CNTN4: variants seen among roughly 807,000 people sequenced by gnomAD.
CNTN4 encodes the protein contactin-4.
In CNTN4, 77 loss-of-function variants were observed where a neutral mutation model predicts 122.5. That is an observed-to-expected ratio of 0.63 (90% CI 0.52 to 0.76). The LOEUF is 0.76. Ranked by LOEUF, CNTN4 falls within the 30% of genes least tolerant of loss-of-function variation. CNTN4 has a pLI of 0.00. For missense variants in CNTN4, 1,256 were observed against 1,259.1 expected, an observed-to-expected ratio of 1.00 and a Z score of 0.04; for synonymous variants, 512 against 447.0, an observed-to-expected ratio of 1.15 and a Z score of -1.83.
chr3:2,967,921 C>T (rs1041579538), intron 13 of CNTN4, among the ~76,000 whole-genome samples: 2 of 151,044 alleles, frequency 1.3e-5, no homozygotes, highest in Admixed American at 6.6e-5. Flanking sequence ...AAAGTTGTGC[C>T]GCCTTTGGTA....
intron 3 of CNTN4, among the ~76,000 whole-genome samples, chr3:2,512,798 C>T (rs1256902908): frequency 2.0e-5 from 3 of 152,072 alleles, no homozygotes; most frequent in African/African-American, 7.2e-5. Flanking sequence ...CCTGATGGTC[C>T]CATAATTTCC....
chr3:2,438,191 A>T (rs940926262), intron 3 of CNTN4, among the ~76,000 whole-genome samples: 1 of 152,158 alleles, frequency 6.6e-6, no homozygotes, highest in South Asian at 2.1e-4. Flanking sequence ...AGCGTTCAGC[A>T]TTGTAGAATT....
chr3:2,453,641 G>C (rs957745685), intron 3 of CNTN4, among the ~76,000 whole-genome samples: 2 of 152,002 alleles, frequency 1.3e-5, no homozygotes, highest in African/African-American at 4.8e-5. Flanking sequence ...ACTATGTGCT[G>C]TTAAGAAAAT....
chr3:2,515,710 T>G (rs2077020094), intron 3 of CNTN4, among the ~76,000 whole-genome samples: 1 of 152,118 alleles, frequency 6.6e-6, no homozygotes, highest in African/African-American at 2.4e-5. Flanking sequence ...AATGAGTGCT[T>G]CTTGATATAC....
At chr3:2,885,712 T>C (rs2093966671) in intron 9 of CNTN4, among the ~76,000 whole-genome samples, 1 of 152,180 alleles carries the variant, frequency 6.6e-6, no homozygotes, top group African/African-American at 2.4e-5. Flanking sequence ...TATCTTACAA[T>C]TTGTGGGTTA....
In CNTN4 at chr3:2,332,868, T is replaced by G. The variant is rs2043793714; in HGVS notation, c.-144-6310T>G. Among the ~76,000 whole-genome samples, 5 of 151,892 alleles carry G rather than the reference T, an allele frequency of 3.3e-5. No homozygotes were observed. In the South Asian group the frequency reaches 1.0e-3, roughly 31 times the overall value. ...CATTGTGCACATGTACCCTAAAACT[T>G]AAAGTATAATAATAAAATAAAATTA... is the stretch of plus-strand genomic sequence containing the variant. On this transcript the variant is annotated intron_variant, in intron 2 of 24. Coordinates refer to ENST00000418658, the MANE Select transcript of CNTN4 (RefSeq NM_175607.3).
chr3:2,109,683 C>T (rs904748322), intron 2 of CNTN4, among the ~76,000 whole-genome samples: 15 of 152,234 alleles, frequency 9.9e-5, no homozygotes, highest in African/African-American at 3.6e-4. Context: ...TGATTCTAGG[C>T]ACATTGTCAT....
intron 13 of CNTN4, among the ~76,000 whole-genome samples, chr3:2,948,758 T>C (rs904933105): frequency 6.6e-6 from 1 of 152,184 alleles, no homozygotes; most frequent in African/African-American, 2.4e-5. Flanking sequence ...AGATACTACA[T>C]ACACCAGACT....
intron 2 of CNTN4, among the ~76,000 whole-genome samples, chr3:2,309,116 C>G (rs1153484): frequency 0.27 from 40,754 of 151,914 alleles, 5,642 homozygotes; most frequent in East Asian, 0.52. Context: ...CTATCAGTTT[C>G]CCTTCCTCTA....
At chr3:2,726,002 C>T (rs1216665082) in intron 4 of CNTN4, among the ~76,000 whole-genome samples, 2 of 152,208 alleles carry the variant, frequency 1.3e-5, no homozygotes, top group Non-Finnish European at 2.9e-5. Context: ...CATTAGCTCT[C>T]ATATCTGAGA....
At chr3:2,763,303 C>T (rs146461111) in intron 6 of CNTN4, among the ~76,000 whole-genome samples, 1 of 152,210 alleles carries the variant, frequency 6.6e-6, no homozygotes, top group East Asian at 1.9e-4. Flanking sequence ...TGAAAAGTGT[C>T]TATTCATGTC....
At chr3:2,181,395 C>G (rs1271331089) in intron 2 of CNTN4, among the ~76,000 whole-genome samples, 1 of 152,060 alleles carries the variant, frequency 6.6e-6, no homozygotes, top group Non-Finnish European at 1.5e-5. Flanking sequence ...GTGTGAAATT[C>G]TGAAAATTCA....
At chr3:2,853,414 T>C (rs2093580307) in intron 7 of CNTN4, among the ~76,000 whole-genome samples, 1 of 152,052 alleles carries the variant, frequency 6.6e-6, no homozygotes, top group African/African-American at 2.4e-5. Context: ...CCAGCTCATT[T>C]TTGAATTTTT....
intron 3 of CNTN4, among the ~76,000 whole-genome samples, chr3:2,535,667 C>G (rs936180198): frequency 1.3e-5 from 2 of 152,068 alleles, no homozygotes; most frequent in Non-Finnish European, 2.9e-5. Flanking sequence ...AAGAGGACCC[C>G]TGTTTCTTTA....
chr3:3,042,604 T>C (rs1214833266), intron 21 of CNTN4, among the ~76,000 whole-genome samples, 182 bp downstream of exon 21: 2 of 152,246 alleles, frequency 1.3e-5, no homozygotes, highest in Admixed American at 6.5e-5. Context: ...ACCCTTTTTC[T>C]ATGTTATATT....
chr3:2,700,802 T>G (rs1429346404), intron 4 of CNTN4, among the ~76,000 whole-genome samples: 1 of 152,228 alleles, frequency 6.6e-6, no homozygotes, highest in African/African-American at 2.4e-5. Flanking sequence ...GAAAGAAGTT[T>G]CGTTTAGCAA....
chr3:2,239,767 A>G (rs1429404088), intron 2 of CNTN4, among the ~76,000 whole-genome samples: 2 of 152,222 alleles, frequency 1.3e-5, no homozygotes, highest in African/African-American at 4.8e-5. Context: ...GGATAAGACA[A>G]TAAAAGGGTA....
At chr3:2,529,003 T>C (rs547302107) in intron 3 of CNTN4, among the ~76,000 whole-genome samples, 17 of 152,220 alleles carry the variant, frequency 1.1e-4, no homozygotes, top group African/African-American at 4.1e-4. Context: ...TAATAAATTA[T>C]TGTTAGCTAT....
At chr3:3,009,532 C>T (rs1264277084) in intron 14 of CNTN4, among the ~76,000 whole-genome samples, 2 of 150,902 alleles carry the variant, frequency 1.3e-5, no homozygotes, top group East Asian at 1.9e-4. Flanking sequence ...CCCCCGGGTT[C>T]CCGCCATTCT....
Sources: allele counts gnomAD v4.1 joint callset (sites outside exome capture counted in the v4.1 genomes callset), GRCh38; gene constraint gnomAD v4.1.1; transcripts MANE v1.5; gene names NCBI Gene and HGNC (gene_info 2026-07-23, HGNC 2026-07-21).